Variants in STXBP4 observed in about 807,000 individuals in gnomAD.
STXBP4 encodes the protein syntaxin-binding protein 4.
A neutral mutation model predicts 76.1 loss-of-function variants in STXBP4; 55 were observed. The ratio of observed to expected loss-of-function variants is 0.72; its 90% CI spans 0.58 to 0.91. The LOEUF (loss-of-function observed/expected upper bound fraction) is 0.91. STXBP4 is among the 40% of genes least tolerant of loss of function. The pLI is 0.00. For missense variants in STXBP4, 618 were observed against 636.9 expected, an observed-to-expected ratio of 0.97 and a Z score of 0.32; for synonymous variants, 201 against 220.2, an observed-to-expected ratio of 0.91 and a Z score of 0.77.
At chr17:55,128,272 A>G (rs1372902516) in intron 16 of STXBP4, among the ~76,000 whole-genome samples, 1 of 152,212 alleles carries the variant, frequency 6.6e-6, no homozygotes, top group East Asian at 1.9e-4. Flanking sequence ...ATGAAAGTCA[A>G]AAAAGTGTTG....
chr17:55,140,493 A>T (rs933986752), intron 16 of STXBP4, among the ~76,000 whole-genome samples: 3 of 152,088 alleles, frequency 2.0e-5, no homozygotes, highest in Non-Finnish European at 4.4e-5. Context: ...AATCCTTAGC[A>T]GTACTTGGAT....
intron 8 of STXBP4, among the ~76,000 whole-genome samples, chr17:55,009,274 A>G (rs1011955413): frequency 6.6e-5 from 10 of 152,304 alleles, no homozygotes; most frequent in South Asian, 4.1e-4. Context: ...AGTTAATAGT[A>G]ATATTTTCAA....
At chr17:55,101,536 G>A (rs1283097163) in intron 16 of STXBP4, among the ~76,000 whole-genome samples, 3 of 152,156 alleles carry the variant, frequency 2.0e-5, no homozygotes, top group Non-Finnish European at 2.9e-5. Context: ...CTATCATGGT[G>A]CTTGACACAT....
At chr17:55,006,912 G>A (rs927006735) in intron 7 of STXBP4, among the ~76,000 whole-genome samples, 5 of 152,172 alleles carry the variant, frequency 3.3e-5, no homozygotes, top group Non-Finnish European at 5.9e-5. Context: ...TTGTGGTGAT[G>A]TAGTAGTGGT....
intron 16 of STXBP4, among the ~76,000 whole-genome samples, chr17:55,113,288 A>G (rs2079744141): frequency 1.3e-5 from 2 of 151,690 alleles, no homozygotes; most frequent in South Asian, 4.2e-4. Flanking sequence ...GGTGATGGCT[A>G]TATTAATTTG....
chr17:55,064,144 TAA>T (rs2079023046), intron 12 of STXBP4, among the ~76,000 whole-genome samples: 2 of 152,212 alleles, frequency 1.3e-5, no homozygotes, highest in African/African-American at 4.8e-5. Context: ...CCCACATAAA[TAA>T]ATCACTATTT....
intron 1 of STXBP4, among the ~76,000 whole-genome samples, chr17:54,973,178 A>T (rs947755161): frequency 6.6e-6 from 1 of 152,168 alleles, no homozygotes; most frequent in African/African-American, 2.4e-5. Flanking sequence ...GCTTAGAATG[A>T]TGAGTTAACT....
At chr17:54,980,832 G>C (rs913478770) in intron 1 of STXBP4, among the ~76,000 whole-genome samples, 2 of 152,180 alleles carry the variant, frequency 1.3e-5, no homozygotes, top group Admixed American at 1.3e-4. Context: ...GTAGAAACAG[G>C]CTTGTCCCAT....
chr17:55,070,324 A>G (rs2079105416), intron 12 of STXBP4, among the ~76,000 whole-genome samples: 1 of 152,190 alleles, frequency 6.6e-6, no homozygotes, highest in Non-Finnish European at 1.5e-5. Flanking sequence ...ATAGTTAGCC[A>G]TTATCTCCTG....
At chr17:55,188,845 G>A in the STXBP4 span, among the ~76,000 whole-genome samples, 6 of 152,096 alleles carry the variant, frequency 3.9e-5, no homozygotes, top group Admixed American at 6.5e-5. Flanking sequence ...TCATTAAAAG[G>A]CATTAAGTAA....
At chr17:55,085,357 A>AT (rs1380200662) in intron 16 of STXBP4, among the ~76,000 whole-genome samples, 2 of 141,428 alleles carry the variant, frequency 1.4e-5, no homozygotes, top group Non-Finnish European at 3.2e-5. Flanking sequence ...TTAAAGTATA[A>AT]TAAAAAAAAA....
At chr17:55,204,371 C>T in the STXBP4 span, among the ~76,000 whole-genome samples, 3 of 151,890 alleles carry the variant, frequency 2.0e-5, no homozygotes, top group Non-Finnish European at 4.4e-5. Context: ...AAGTTTATTC[C>T]TGATAAACTC....
chr17:55,159,031 G>A lies in STXBP4; in HGVS notation c.1548-766G>A, dbSNP rs189975970. Reference sequence around the variant, plus strand: ...AGGCCAAGGTGGGTGGATCACTTAAGCCCAAGAGTTCCAGACCAGCCTGGC... The same window carrying A: ...AGGCCAAGGTGGGTGGATCACTTAAACCCAAGAGTTCCAGACCAGCCTGGC... On this transcript the variant is annotated intron_variant, in intron 17 of 17. Transcript: ENST00000376352. Among the ~76,000 whole-genome samples the A allele has an allele frequency of 3.2e-3, 490 of 152,296 alleles. 6 individuals carry two copies. The highest frequency in any genetic ancestry group is 0.015 in the South Asian group (74 of 4,828).
At chr17:55,154,200 G>A (rs1598354811) in intron 17 of STXBP4, among the ~76,000 whole-genome samples, 1 of 152,112 alleles carries the variant, frequency 6.6e-6, no homozygotes, top group Non-Finnish European at 1.5e-5. Context: ...GGCGGATAAT[G>A]AGTGAGAGTA....
chr17:55,133,770 G>A lies in STXBP4; in HGVS notation c.1490-7540G>A, dbSNP rs147804589. On this transcript the variant is annotated intron_variant, in intron 16 of 17. Transcript: ENST00000376352. The stretch of plus-strand genomic sequence containing the variant: ...ACAGTCATAAGTGAAGGAAGCTGAG[G>A]ACTGAAAATTGACCTTTGGACATAA... Among the ~76,000 whole-genome samples the A allele has an allele frequency of 1.0e-3, 155 of 152,316 alleles. 1 individual carries two copies. The highest frequency in any genetic ancestry group is 3.6e-3 in the African/African-American group (149 of 41,580).
At chr17:54,988,563 C>A (rs553320353) in intron 3 of STXBP4, among the ~76,000 whole-genome samples, 2 of 152,100 alleles carry the variant, frequency 1.3e-5, no homozygotes, top group Non-Finnish European at 2.9e-5. Flanking sequence ...CACTTGAGGT[C>A]AGGAGTTCGA....
chr17:55,042,776 T>C (rs1257712054), intron 10 of STXBP4, among the ~76,000 whole-genome samples: 1 of 152,124 alleles, frequency 6.6e-6, no homozygotes, highest in Non-Finnish European at 1.5e-5. Context: ...TTACATTTCA[T>C]TTAGTTAAAA....
intron 16 of STXBP4, among the ~76,000 whole-genome samples, chr17:55,116,437 A>G (rs574371975): frequency 6.6e-5 from 10 of 151,864 alleles, no homozygotes; most frequent in African/African-American, 2.2e-4. Flanking sequence ...GACATGCCAA[A>G]TTTCCCCATT....
At chr17:55,178,990 A>G in the STXBP4 span, among the ~76,000 whole-genome samples, 1 of 152,230 alleles carries the variant, frequency 6.6e-6, no homozygotes, top group Non-Finnish European at 1.5e-5. Flanking sequence ...TCTGTGCCCC[A>G]GTCAAGTTGA....
Sources: allele counts gnomAD v4.1 joint callset (sites outside exome capture counted in the v4.1 genomes callset), GRCh38; gene constraint gnomAD v4.1.1; transcripts MANE v1.5; gene names NCBI Gene and HGNC (gene_info 2026-07-23, HGNC 2026-07-21).